The following TSHZ2 variants were observed in gnomAD, a reference collection of about 807,000 sequenced individuals.
The protein encoded by TSHZ2 is teashirt zinc finger homeobox 2, also known as teashirt homolog 2.
Under a neutral mutation model 74.4 loss-of-function variants are expected in TSHZ2, and 21 were observed. The ratio of observed to expected loss-of-function variants is 0.28; its 90% CI spans 0.20 to 0.41. TSHZ2 has a LOEUF of 0.41. TSHZ2 is among the 10% of genes least tolerant of loss of function. The pLI, the probability that TSHZ2 is intolerant of heterozygous loss-of-function variation, is 1.00. For synonymous variants in TSHZ2, 540 were observed against 515.3 expected (o/e 1.05, Z -0.65); for missense variants, 1,244 against 1,293.5 (o/e 0.96, Z 0.59).
At chr20:53,455,105 C>T (rs1487627007) in intron 2 of TSHZ2, among the ~76,000 whole-genome samples, 1 of 151,740 alleles carries the variant, frequency 6.6e-6, no homozygotes, top group Non-Finnish European at 1.5e-5. Context: ...TGATTAAAGC[C>T]TTTTTCTCTG....
At chr20:53,187,144 C>T (rs770612834) in intron 1 of TSHZ2, among the ~76,000 whole-genome samples, 13 of 152,096 alleles carry the variant, frequency 8.5e-5, no homozygotes, top group East Asian at 1.9e-4. Context: ...TGACACTCGC[C>T]GCACGTCTGG....
intron 2 of TSHZ2, among the ~76,000 whole-genome samples, chr20:53,416,390 A>G (rs1202837846): frequency 2.0e-5 from 3 of 152,212 alleles, no homozygotes; most frequent in Admixed American, 1.3e-4. Context: ...TCCTTCAGAC[A>G]GTAGTCGGGC....
chr20:52,981,416 T>C (rs1981565474), intron 1 of TSHZ2, among the ~76,000 whole-genome samples: 1 of 152,232 alleles, frequency 6.6e-6, no homozygotes, highest in African/African-American at 2.4e-5. Flanking sequence ...GGCAATCATA[T>C]GTTCCAGGTG....
At chr20:53,050,947 C>G (rs1163105042) in intron 1 of TSHZ2, among the ~76,000 whole-genome samples, 1 of 152,210 alleles carries the variant, frequency 6.6e-6, no homozygotes, top group Non-Finnish European at 1.5e-5. Context: ...TATCTTTACT[C>G]TAGAACTCTT....
At chr20:53,246,036 CTTTCTTT>C (rs1990194438) in intron 1 of TSHZ2, among the ~76,000 whole-genome samples, 1 of 126,744 alleles carries the variant, frequency 7.9e-6, no homozygotes, top group South Asian at 2.2e-4. Flanking sequence ...TTCTTTCTTT[CTTTCTTT>C]TTTTTTTTTT....
chr20:53,386,721 T>A (rs1982059135), intron 2 of TSHZ2, among the ~76,000 whole-genome samples: 1 of 152,058 alleles, frequency 6.6e-6, no homozygotes, highest in Non-Finnish European at 1.5e-5. Flanking sequence ...ATGGCTTCGG[T>A]GTAAGATGGG....
intron 2 of TSHZ2, among the ~76,000 whole-genome samples, chr20:53,280,202 C>T (rs2145434097): frequency 1.3e-5 from 2 of 152,268 alleles, no homozygotes; most frequent in South Asian, 4.1e-4. Flanking sequence ...TCCTTGAAGA[C>T]CTCAGGCATA....
In TSHZ2 at chr20:53,342,177, T is replaced by C. The variant is rs141487589; in HGVS notation, c.*8+85606T>C. On this transcript the variant is annotated intron_variant, in intron 2 of 2. Transcript: ENST00000371497. The stretch of plus-strand genomic sequence containing the variant: ...ATTATGAACCAAAATCCATACTCTA[T>C]TCAGATTTCCTTAGTGTTTCCCTGC... Among the ~76,000 whole-genome samples, 124 of 152,262 alleles carry C rather than the reference T, an allele frequency of 8.1e-4. 1 individual carries two copies. In the Middle Eastern group the frequency reaches 0.01, roughly 13 times the overall value.
chr20:53,166,389 G>A (rs1417895512), intron 1 of TSHZ2, among the ~76,000 whole-genome samples: 3 of 152,116 alleles, frequency 2.0e-5, no homozygotes, highest in Admixed American at 6.5e-5. Flanking sequence ...AGGCTGAGGT[G>A]GGAGGATTTC....
intron 1 of TSHZ2, among the ~76,000 whole-genome samples, chr20:53,121,612 TC>T (rs913322548): frequency 5.3e-5 from 8 of 152,312 alleles, no homozygotes; most frequent in Admixed American, 5.2e-4. Flanking sequence ...TTATTTGTCT[TC>T]AAGAGAAGCC....
At chr20:53,086,775 G>A (rs1320350122) in intron 1 of TSHZ2, among the ~76,000 whole-genome samples, 1 of 152,160 alleles carries the variant, frequency 6.6e-6, no homozygotes, top group Non-Finnish European at 1.5e-5. Flanking sequence ...CATAAGGAGT[G>A]TCTGCATTTA....
chr20:53,353,985 T>G (rs561670955), intron 2 of TSHZ2, among the ~76,000 whole-genome samples: 2 of 152,306 alleles, frequency 1.3e-5, no homozygotes, highest in African/African-American at 4.8e-5. Context: ...ATTGGGACAG[T>G]TGGTCACCCT....
At chr20:53,051,741 TCACA>T (rs1984476009) in intron 1 of TSHZ2, among the ~76,000 whole-genome samples, 2 of 152,330 alleles carry the variant, frequency 1.3e-5, no homozygotes, top group Non-Finnish European at 2.9e-5. Flanking sequence ...AAGGCTGGAC[TCACA>T]CACAAGCCCT....
chr20:53,254,184 T>G lies in TSHZ2; in HGVS notation c.726T>G (p.Asp242Glu). 2 of 1,614,040 alleles carry G rather than the reference T, an allele frequency of 1.2e-6. No homozygotes were observed. Among genetic ancestry groups the G allele is most frequent in the Non-Finnish European group, 1.7e-6 (2 of 1,180,016 alleles). ...VHMNETGHYQ[D>E]DNRKKDKLRP... ...TGAATGAAACGGGCCACTATCAAGA[T>G]GACAACCGCAAAAAGGACAAGCTCA... The change falls in exon 2 of 3, where the codon GAT becomes GAG. Residue 242 changes from aspartate to glutamate, a missense_variant. Coordinates refer to ENST00000371497, the MANE Select transcript of TSHZ2 (RefSeq NM_173485.6).
intron 2 of TSHZ2, among the ~76,000 whole-genome samples, chr20:53,480,765 T>G (rs1986128325): frequency 6.7e-6 from 1 of 149,972 alleles, no homozygotes; most frequent in East Asian, 2.0e-4. Context: ...CAGCAGAGAG[T>G]GAAGAGAGAA....
intron 2 of TSHZ2, among the ~76,000 whole-genome samples, chr20:53,480,480 T>A (rs548311674): frequency 1.3e-5 from 2 of 151,442 alleles, no homozygotes; most frequent in Non-Finnish European, 2.9e-5. Context: ...ATCAGGAGGT[T>A]CACTTGAGCC....
At position 53,489,313 on chromosome 20, in the gene TSHZ2, C is replaced by T. The variant is rs145587025; in HGVS notation, c.*2178C>T. ...TCAACCAGAAATGAATGGAGCTCGA[C>T]TGGAAAGGAACAGTCTTCAGATGGG... On this transcript the variant is annotated 3_prime_UTR_variant, in exon 3 of 3. Transcript: ENST00000371497. 445 of 400,532 alleles carry T rather than the reference C, an allele frequency of 1.1e-3. 2 individuals carry two copies. The highest frequency in any genetic ancestry group is 8.8e-3 in the African/African-American group (428 of 48,580). The allele number at this position is 400,532 out of a possible 1,614,324, so 24.8% of individuals were successfully genotyped here. A position where few individuals can be genotyped will look rare whatever the true frequency, so the allele number is the denominator to read the frequency against.
At chr20:52,996,312 T>C (rs1982189122) in intron 1 of TSHZ2, among the ~76,000 whole-genome samples, 1 of 58,830 alleles carries the variant, frequency 1.7e-5, no homozygotes, top group African/African-American at 7.7e-5. Flanking sequence ...CAGGTTTTTA[T>C]TTATTTATTT....
Position 53,494,870 on chromosome 20 carries a change from G to A in TSHZ2, c.*7735G>A, listed in dbSNP as rs1363582794. ...AAGTCTCTTTTTTTTCCCCCACTCA[G>A]CAGTTATTGGAAATAGACTGTTCCC... On this transcript the variant is annotated 3_prime_UTR_variant, in exon 3 of 3. Coordinates refer to ENST00000371497, the MANE Select transcript of TSHZ2 (RefSeq NM_173485.6). The A allele has an allele frequency of 6.6e-6, 1 of 150,562 alleles. No individual in the cohort carries two copies. The highest frequency in any genetic ancestry group is 1.9e-4 in the East Asian group (1 of 5,156). 9.3% of individuals were successfully genotyped at this position (150,562 alleles called of 1,614,324 possible).
Sources: gnomAD v4.1 joint callset for allele counts (sites outside exome capture counted in the v4.1 genomes callset) on GRCh38, gnomAD v4.1.1 for gene constraint, MANE v1.5 for transcripts, NCBI Gene and HGNC (gene_info 2026-07-23, HGNC 2026-07-21) for gene names.